ERI3: variants seen among roughly 807,000 people sequenced by gnomAD.
ERI3 encodes the protein ERI1 exoribonuclease 3.
In ERI3, 18 loss-of-function variants were observed where a neutral mutation model predicts 44.4. The observed-to-expected ratio is 0.41, with a 90% CI of 0.28 to 0.60. The LOEUF is 0.60. Among genes scored for constraint, ERI3 ranks in the 20% least tolerant of loss-of-function variants. ERI3 has a pLI of 0.36. For missense variants in ERI3, 294 were observed against 435.5 expected (o/e 0.68, Z 2.89); for synonymous variants, 183 against 164.8 (o/e 1.11, Z -0.84).
intron 6 of ERI3, among the ~76,000 whole-genome samples, chr1:44,303,300 A>C (rs1456319479): frequency 6.6e-6 from 1 of 152,256 alleles, no homozygotes; most frequent in Non-Finnish European, 1.5e-5. Flanking sequence ...AGGCTGGTGT[A>C]GCAAGGCCTG....
chr1:44,296,025 G>A (rs1645603224), intron 6 of ERI3, among the ~76,000 whole-genome samples: 1 of 152,178 alleles, frequency 6.6e-6, no homozygotes, highest in South Asian at 2.1e-4. Context: ...TTAGGGAGGG[G>A]GCCAGGAAGG....
chr1:44,339,462 C>T (rs1321035846), intron 2 of ERI3, 140 bp from the exon 3 acceptor site: 1 of 879,490 alleles, frequency 1.1e-6, no homozygotes, highest in African/African-American at 1.7e-5. Context: ...ACATGGGCCA[C>T]TCCCCAGTGT....
At chr1:44,310,958 C>CGCGCGT (rs1645950676) in intron 5 of ERI3, among the ~76,000 whole-genome samples, 1 of 79,438 alleles carries the variant, frequency 1.3e-5, no homozygotes, top group Admixed American at 1.6e-4. Context: ...ACATCGCGCG[C>CGCGCGT]GCGCGCACAC....
chr1:44,310,237 G>C (rs1645924863), intron 5 of ERI3, among the ~76,000 whole-genome samples: 1 of 152,164 alleles, frequency 6.6e-6, no homozygotes. Flanking sequence ...AAAGGAGTCA[G>C]AAAAGGCTTC....
chr1:44,306,253 T>C (rs1046072722), intron 6 of ERI3, among the ~76,000 whole-genome samples: 2 of 152,196 alleles, frequency 1.3e-5, no homozygotes, highest in African/African-American at 4.8e-5. Flanking sequence ...CCACAAAGTC[T>C]GCCCTACCCA....
intron 8 of ERI3, among the ~76,000 whole-genome samples, chr1:44,245,849 GC>G (rs951085255): frequency 6.6e-6 from 1 of 152,120 alleles, no homozygotes; most frequent in African/African-American, 2.4e-5. Flanking sequence ...GCTGTCCCTA[GC>G]CCCCAGCCAG....
intron 8 of ERI3, among the ~76,000 whole-genome samples, chr1:44,225,951 T>C (rs1644028201): frequency 6.6e-6 from 1 of 152,204 alleles, no homozygotes; most frequent in South Asian, 2.1e-4. Context: ...TGCAAGACTC[T>C]GTAGCTCCCT....
intron 6 of ERI3, among the ~76,000 whole-genome samples, chr1:44,294,115 G>C (rs576387298): frequency 6.6e-6 from 1 of 152,332 alleles, no homozygotes; most frequent in South Asian, 2.1e-4. Context: ...ATTTCCTCTT[G>C]GTTTCCCTAT....
At position 44,308,334 on chromosome 1, in the gene ERI3, C is replaced by A. The variant is rs1645883325; in HGVS notation, c.734G>T (p.Cys245Phe). The A allele has an allele frequency of 6.2e-7, 1 of 1,613,966 alleles. No homozygotes were observed. The highest frequency in any genetic ancestry group is 8.5e-7 in the Non-Finnish European group (1 of 1,179,908). The change falls in exon 6 of 9, where the codon TGT (cysteine) becomes TTT (phenylalanine). Residue 245 changes from cysteine to phenylalanine, a missense_variant. Transcript: ENST00000372257. ...CATGACTTTTAAGTCCCAGTCTCCA[C>A]AGGTGACAAAAATTGACTTGACGTT... ...DPNVKSIFVT[C>F]GDWDLKVMLP...
chr1:44,228,346 C>T lies in ERI3; in HGVS notation c.932-6706G>A, dbSNP rs890285843. Among the ~76,000 whole-genome samples, 11 of 152,204 alleles carry T rather than the reference C, an allele frequency of 7.2e-5. No homozygotes were observed. The highest frequency in any genetic ancestry group is 2.1e-4 in the South Asian group (1 of 4,828). On this transcript the variant is annotated intron_variant, in intron 8 of 8. Coordinates refer to ENST00000372257, the MANE Select transcript of ERI3 (RefSeq NM_024066.3). This position sits in a 1 kb window ranked among gnomAD's most constrained non-coding sequence, Gnocchi z 4.3. Reference sequence around the variant, plus strand: ...AGGCAATTTCATCTTGATTAGCAGGCGATTTCTCTCACCGTAATAAGCGCG... The same window carrying T: ...AGGCAATTTCATCTTGATTAGCAGGTGATTTCTCTCACCGTAATAAGCGCG...
intron 7 of ERI3, among the ~76,000 whole-genome samples, chr1:44,277,686 T>C (rs1645206145): frequency 6.6e-6 from 1 of 152,230 alleles, no homozygotes; most frequent in Non-Finnish European, 1.5e-5. Flanking sequence ...GTTTCTGCAA[T>C]ACCACACTCT....
intron 7 of ERI3, among the ~76,000 whole-genome samples, chr1:44,282,184 TG>T (rs1426705214): frequency 6.6e-6 from 1 of 152,122 alleles, no homozygotes; most frequent in East Asian, 1.9e-4. Context: ...TAAGGGCAGC[TG>T]AAAGACATTT....
intron 7 of ERI3, among the ~76,000 whole-genome samples, chr1:44,274,280 G>C (rs967485636): frequency 2.6e-5 from 4 of 152,148 alleles, no homozygotes; most frequent in African/African-American, 9.7e-5. Context: ...TGCAATATTG[G>C]CTTCAGGAGC....
chr1:44,342,032 A>G (rs1646664173), intron 2 of ERI3, among the ~76,000 whole-genome samples: 1 of 152,220 alleles, frequency 6.6e-6, no homozygotes, highest in South Asian at 2.1e-4. Flanking sequence ...GCTCAGTTCA[A>G]GTCAAGAAAC....
At chr1:44,284,713 A>G (rs1645356153) in intron 7 of ERI3, 122 bp downstream of exon 7, 1 of 737,816 alleles carries the variant, frequency 1.4e-6, no homozygotes, top group African/African-American at 1.8e-5. Context: ...GATGAAGTTA[A>G]GAAAAGAGAA....
At chr1:44,352,310 T>C (rs975764609) in intron 2 of ERI3, among the ~76,000 whole-genome samples, 22 of 152,086 alleles carry the variant, frequency 1.4e-4, no homozygotes, top group African/African-American at 4.1e-4. Flanking sequence ...GAGAGCCAGG[T>C]GTAGTGGCAC....
At chr1:44,347,570 TC>T (rs1298972292) in intron 2 of ERI3, among the ~76,000 whole-genome samples, 1 of 152,064 alleles carries the variant, frequency 6.6e-6, no homozygotes, top group African/African-American at 2.4e-5. Context: ...AGCTCAAATC[TC>T]CCCCCTTTTG....
At chr1:44,313,110 G>T in intron 5 of ERI3, 59 bp downstream of exon 5, 2 of 1,410,072 alleles carry the variant, frequency 1.4e-6, no homozygotes, top group South Asian at 1.2e-5. Context: ...CAGGAGGGGA[G>T]GGAGAGAAAG....
chr1:44,280,980 C>T (rs888500689), intron 7 of ERI3, among the ~76,000 whole-genome samples: 3 of 152,204 alleles, frequency 2.0e-5, no homozygotes, highest in African/African-American at 7.2e-5. Context: ...ACAAAAGACA[C>T]AAATTCTTTC....
Sources: gnomAD v4.1 joint callset for allele counts (sites outside exome capture counted in the v4.1 genomes callset) on GRCh38, gnomAD v4.1.1 for gene constraint, Gnocchi (gnomAD v3.1) non-coding constraint, MANE v1.5 for transcripts, NCBI Gene and HGNC (gene_info 2026-07-23, HGNC 2026-07-21) for gene names.